SBF2: variants seen among roughly 807,000 people sequenced by gnomAD.
The protein encoded by SBF2 is SET binding factor 2, also known as myotubularin-related protein 13.
In SBF2, 112 loss-of-function variants were observed where a neutral mutation model predicts 225.2. The observed-to-expected ratio is 0.50, with a 90% CI of 0.43 to 0.58. The LOEUF is 0.58. Among genes scored for constraint, SBF2 ranks in the 20% least tolerant of loss-of-function variants. The pLI is 0.00. For synonymous variants in SBF2, 763 were observed against 773.3 expected (o/e 0.99, Z 0.22); for missense variants, 1,996 against 2,206.2 (o/e 0.90, Z 1.91).
At chr11:9,857,336 T>C (rs1008233145) in intron 18 of SBF2, among the ~76,000 whole-genome samples, 6 of 152,204 alleles carry the variant, frequency 3.9e-5, no homozygotes, top group African/African-American at 1.4e-4. Flanking sequence ...TTCTTTAGAA[T>C]GGCTGACAAA....
At chr11:10,001,398 A>G (rs1485379858) in intron 7 of SBF2, among the ~76,000 whole-genome samples, 1 of 152,176 alleles carries the variant, frequency 6.6e-6, no homozygotes, top group Admixed American at 6.5e-5. Flanking sequence ...TGATTTATCT[A>G]TACAAAACAA....
intron 17 of SBF2, among the ~76,000 whole-genome samples, chr11:9,893,719 C>T (rs1020506927): frequency 4.6e-5 from 7 of 152,164 alleles, no homozygotes; most frequent in African/African-American, 1.7e-4. Context: ...TTACTGCTTG[C>T]CAGTTCTGGT....
intron 1 of SBF2, among the ~76,000 whole-genome samples, chr11:10,281,381 C>T (rs1294821797): frequency 1.3e-5 from 2 of 152,166 alleles, no homozygotes; most frequent in African/African-American, 4.8e-5. Flanking sequence ...ATACCCTCAT[C>T]CTTTAAGAAC....
chr11:9,920,696 A>G (rs913217360), intron 16 of SBF2, among the ~76,000 whole-genome samples: 3 of 152,188 alleles, frequency 2.0e-5, no homozygotes, highest in African/African-American at 7.2e-5. Flanking sequence ...TGGTTTTAAA[A>G]TACTAGCTGC....
At chr11:9,856,007 C>T (rs1013165130) in intron 19 of SBF2, among the ~76,000 whole-genome samples, 1 of 152,110 alleles carries the variant, frequency 6.6e-6, no homozygotes, top group Non-Finnish European at 1.5e-5. Flanking sequence ...CCTTGCAGGC[C>T]ATGGTAAACA....
chr11:10,126,376 G>T (rs77619971), intron 2 of SBF2, among the ~76,000 whole-genome samples: 349 of 151,952 alleles, frequency 2.3e-3, no homozygotes, highest in African/African-American at 7.5e-3. Flanking sequence ...TGTCACCGTT[G>T]AACTCTATTA....
rs142904756 is a variant in SBF2 at position 9,812,592 on chromosome 11, G to A, written c.4095C>T (p.Ile1365=). 217 of 1,614,108 alleles carry A rather than the reference G, an allele frequency of 1.3e-4. No homozygotes were observed. The highest frequency in any genetic ancestry group is 1.8e-4 in the Non-Finnish European group (212 of 1,180,048). ...GGAAGGTCACTTCTGAGTCAGTAGGGATGGTGCTTGGGATACAAGCCCTCA... is the reference window on the plus strand; with the variant it reads ...GGAAGGTCACTTCTGAGTCAGTAGGAATGGTGCTTGGGATACAAGCCCTCA... ...KLMRACIPST[I]PTDSEVTFLK... The change falls in exon 30 of 40, where the codon ATC becomes ATT. Residue 1365 remains isoleucine, a synonymous_variant. Transcript: ENST00000256190.
At chr11:9,810,048 A>C (rs1854091061) in intron 30 of SBF2, among the ~76,000 whole-genome samples, 1 of 152,172 alleles carries the variant, frequency 6.6e-6, no homozygotes, top group Non-Finnish European at 1.5e-5. Flanking sequence ...AGGTTGAAGC[A>C]GGAGTAGTGC....
At chr11:9,901,601 G>A (rs150385476) in intron 16 of SBF2, among the ~76,000 whole-genome samples, 1 of 152,202 alleles carries the variant, frequency 6.6e-6, no homozygotes, top group African/African-American at 2.4e-5. Context: ...TGCAAGGCAG[G>A]GGTTAAGTCA....
At chr11:10,183,905 A>G (rs971390110) in intron 2 of SBF2, among the ~76,000 whole-genome samples, 8 of 152,238 alleles carry the variant, frequency 5.3e-5, no homozygotes, top group Non-Finnish European at 1.0e-4. Flanking sequence ...AATGGGAAAT[A>G]TAAGTTCTCG....
At chr11:10,183,658 CT>C (rs1220184112) in intron 2 of SBF2, among the ~76,000 whole-genome samples, 1 of 152,172 alleles carries the variant, frequency 6.6e-6, no homozygotes, top group African/African-American at 2.4e-5. Flanking sequence ...ACCATTTGGG[CT>C]TATCACTTCC....
At chr11:9,975,095 A>G (rs1195538911) in intron 13 of SBF2, among the ~76,000 whole-genome samples, 1 of 152,156 alleles carries the variant, frequency 6.6e-6, no homozygotes, top group Non-Finnish European at 1.5e-5. Context: ...ACACTTGAGA[A>G]AACAGTTTGG....
At chr11:10,087,952 A>G (rs947377069) in intron 2 of SBF2, among the ~76,000 whole-genome samples, 3 of 151,938 alleles carry the variant, frequency 2.0e-5, no homozygotes, top group Non-Finnish European at 4.4e-5. Context: ...TATGTACTTA[A>G]TATGTGGTAG....
At position 10,044,748 on chromosome 11, in the gene SBF2, C is replaced by A. The variant is rs1046883413; in HGVS notation, c.142-1767G>T. 6.5e-5 allele frequency: 10 copies of A among 153,182 alleles called. 1 individual carries two copies. In the East Asian group the frequency reaches 7.7e-4, roughly 12 times the overall value. The allele number at this position is 153,182 out of a possible 1,614,324, so 9.5% of individuals were successfully genotyped here. On this transcript the variant is annotated intron_variant, in intron 2 of 39. Coordinates refer to ENST00000256190, the MANE Select transcript of SBF2 (RefSeq NM_030962.4). ...CTTGCTGTGCCCTAACTTGCCCAGA[C>A]ATGTCCAGACACGTCTTGTGCCATA...
intron 1 of SBF2, among the ~76,000 whole-genome samples, chr11:10,251,841 G>C (rs1250917961): frequency 2.6e-5 from 4 of 152,168 alleles, no homozygotes; most frequent in Non-Finnish European, 5.9e-5. Context: ...GCAGAGACCA[G>C]AAACCCAAAA....
chr11:9,996,731 G>T (rs1947721518), intron 9 of SBF2, among the ~76,000 whole-genome samples: 1 of 152,070 alleles, frequency 6.6e-6, no homozygotes, highest in Non-Finnish European at 1.5e-5. Context: ...GATGATAGTT[G>T]AGCAATGACA....
At chr11:10,069,538 T>C (rs1750924263) in intron 2 of SBF2, among the ~76,000 whole-genome samples, 1 of 152,186 alleles carries the variant, frequency 6.6e-6, no homozygotes, top group African/African-American at 2.4e-5. Context: ...ATGTGCCACA[T>C]TTTCTTTATC....
In SBF2 at chr11:10,069,533, C is replaced by T. The variant is rs541869225; in HGVS notation, c.142-26552G>A. Among the ~76,000 whole-genome samples the T allele has an allele frequency of 5.3e-5, 8 of 152,208 alleles. No individual in the cohort carries two copies. The South Asian group carries it at 1.2e-3, about 24-fold the overall frequency. On this transcript the variant is annotated intron_variant, in intron 2 of 39. Transcript: ENST00000256190. ...CATAGTATTCTATGGTGTATATGTG[C>T]CACATTTTCTTTATCCAGTCTATCA...
intron 6 of SBF2, among the ~76,000 whole-genome samples, chr11:10,018,641 T>C (rs1205286056): frequency 6.6e-6 from 1 of 152,184 alleles, no homozygotes; most frequent in East Asian, 1.9e-4. Flanking sequence ...CAGGACAGTT[T>C]TGAACCAGGA....
Sources: gnomAD v4.1 joint callset for allele counts (sites outside exome capture counted in the v4.1 genomes callset) on GRCh38, gnomAD v4.1.1 for gene constraint, MANE v1.5 for transcripts, NCBI Gene and HGNC (gene_info 2026-07-23, HGNC 2026-07-21) for gene names.